Variants in MAP7 observed in about 807,000 individuals in gnomAD.
MAP7 encodes ensconsin.
MAP7 carries 52 observed loss-of-function variants against 94.8 expected under a neutral mutation model. That is an observed-to-expected ratio of 0.55 (90% confidence interval 0.44 to 0.69). The LOEUF (loss-of-function observed/expected upper bound fraction) is 0.69, where lower values mean the gene tolerates loss of function less well. Among genes scored for constraint, MAP7 ranks in the 30% least tolerant of loss-of-function variants. The probability of loss-of-function intolerance (pLI) is 0.00; values close to 1 mark genes in which losing one functional copy is unlikely to be tolerated. For missense variants in MAP7, 940 were observed against 964.6 expected (o/e 0.97, Z 0.34); for synonymous variants, 350 against 357.0 (o/e 0.98, Z 0.22).
chr6:136,492,511 C>T (rs1179420144), intron 1 of MAP7, among the ~76,000 whole-genome samples: 1 of 152,092 alleles, frequency 6.6e-6, no homozygotes, highest in East Asian at 1.9e-4. Flanking sequence ...AATCTTAGCT[C>T]TAATGTTTTC....
intron 1 of MAP7, among the ~76,000 whole-genome samples, chr6:136,457,778 G>T (rs1428438450): frequency 1.3e-5 from 2 of 151,904 alleles, no homozygotes; most frequent in Non-Finnish European, 2.9e-5. Context: ...AGCTCTCAAT[G>T]AACTAGGAAT....
chr6:136,427,161 T>C (rs1211207381), intron 1 of MAP7, among the ~76,000 whole-genome samples: 1 of 152,186 alleles, frequency 6.6e-6, no homozygotes, highest in Non-Finnish European at 1.5e-5. Context: ...AGAGTCAGTG[T>C]GGTCACCCTA....
intron 1 of MAP7, among the ~76,000 whole-genome samples, chr6:136,461,448 G>A (rs1434166926): frequency 1.3e-5 from 2 of 152,100 alleles, no homozygotes; most frequent in African/African-American, 4.8e-5. Flanking sequence ...TTTTATAACT[G>A]TTATGCTAAA....
chr6:136,393,160 G>T (rs1781256753), intron 3 of MAP7, among the ~76,000 whole-genome samples: 1 of 151,890 alleles, frequency 6.6e-6, no homozygotes, highest in Non-Finnish European at 1.5e-5. Flanking sequence ...TCCTTATTTG[G>T]CCTTCCTCCC....
chr6:136,410,151 T>C (rs931451218), intron 3 of MAP7, among the ~76,000 whole-genome samples: 3 of 152,142 alleles, frequency 2.0e-5, no homozygotes, highest in Admixed American at 1.3e-4. Flanking sequence ...TAATTCACAA[T>C]GTGATTTAAA....
intron 2 of MAP7, among the ~76,000 whole-genome samples, chr6:136,414,146 G>A (rs1388713688): frequency 6.7e-6 from 1 of 149,868 alleles, no homozygotes; most frequent in Non-Finnish European, 1.5e-5. Flanking sequence ...CCAGCTACTC[G>A]GGAGGCTGAG....
At chr6:136,402,218 T>G (rs777276262) in intron 3 of MAP7, among the ~76,000 whole-genome samples, 8 of 152,174 alleles carry the variant, frequency 5.3e-5, no homozygotes, top group Non-Finnish European at 1.2e-4. Flanking sequence ...GCACTTACAC[T>G]CCAGACGGTA....
At chr6:136,545,701 T>C (rs1829677864) in intron 1 of MAP7, among the ~76,000 whole-genome samples, 1 of 152,240 alleles carries the variant, frequency 6.6e-6, no homozygotes, top group Non-Finnish European at 1.5e-5. Context: ...CATCTAATTT[T>C]ATATCCCACT....
At chr6:136,458,657 C>T (rs1245613970) in intron 1 of MAP7, among the ~76,000 whole-genome samples, 1 of 151,936 alleles carries the variant, frequency 6.6e-6, no homozygotes, top group African/African-American at 2.4e-5. Context: ...GCCAAAAATA[C>T]ACAATGGGGA....
chr6:136,434,306 CAAA>C (rs59002856), intron 1 of MAP7, among the ~76,000 whole-genome samples: 17 of 59,704 alleles, frequency 2.8e-4, no homozygotes, highest in African/African-American at 6.2e-4. Context: ...GACTCCGTCT[CAAA>C]AAAAAAAAAA....
At chr6:136,364,257 C>T (rs553990105) in intron 10 of MAP7, 185 of 542,002 alleles carry the variant, frequency 3.4e-4, no homozygotes, top group African/African-American at 3.4e-3. Context: ...AAATGTTGAA[C>T]CTTTTTGGAC....
chr6:136,473,411 C>A (rs1809707945), intron 1 of MAP7, among the ~76,000 whole-genome samples: 1 of 152,156 alleles, frequency 6.6e-6, no homozygotes, highest in Non-Finnish European at 1.5e-5. Context: ...AAAGTTCAGA[C>A]ATAACTGCTA....
intron 1 of MAP7, among the ~76,000 whole-genome samples, chr6:136,442,829 C>T (rs1253915245): frequency 2.6e-5 from 4 of 152,160 alleles, no homozygotes; most frequent in Non-Finnish European, 2.9e-5. Flanking sequence ...ACATATGCTC[C>T]TAAGGGTATC....
chr6:136,504,534 A>G (rs915338242), intron 1 of MAP7, among the ~76,000 whole-genome samples: 1 of 152,094 alleles, frequency 6.6e-6, no homozygotes, highest in Non-Finnish European at 1.5e-5. Context: ...TAGTAGAGAC[A>G]GGGGTTCACC....
At chr6:136,478,619 T>C (rs1401316531) in intron 1 of MAP7, among the ~76,000 whole-genome samples, 1 of 151,688 alleles carries the variant, frequency 6.6e-6, no homozygotes, top group Non-Finnish European at 1.5e-5. Flanking sequence ...AAAGGAGGCA[T>C]TACAACCAAT....
At chr6:136,432,126 A>G (rs1310569248) in intron 1 of MAP7, among the ~76,000 whole-genome samples, 2 of 152,116 alleles carry the variant, frequency 1.3e-5, no homozygotes, top group African/African-American at 2.4e-5. Flanking sequence ...CTTCACTTCT[A>G]TGTTCCCGAT....
chr6:136,401,133 G>A (rs1783944952), intron 3 of MAP7, among the ~76,000 whole-genome samples: 1 of 152,186 alleles, frequency 6.6e-6, no homozygotes, highest in African/African-American at 2.4e-5. Flanking sequence ...AAGACTGCTT[G>A]AGCTCAGGAG....
At position 136,392,081 on chromosome 6, in the gene MAP7, C is replaced by T. The variant is rs1252900052; in HGVS notation, c.245-2564G>A. ...GTACCAAAGTACACTTACTGCTCTGCATCTTGCTCTTTTTGAGGCAGGGTC... is the reference window on the plus strand; with the variant it reads ...GTACCAAAGTACACTTACTGCTCTGTATCTTGCTCTTTTTGAGGCAGGGTC... On this transcript the variant is annotated intron_variant, in intron 3 of 17. Transcript: ENST00000354570. 2.0e-5 allele frequency among the ~76,000 whole-genome samples: 3 copies of T among 152,110 alleles called. 1 individual carries two copies. In the East Asian group the frequency reaches 5.8e-4, roughly 29 times the overall value.
At chr6:136,347,749 G>A (rs532768335) in intron 16 of MAP7, among the ~76,000 whole-genome samples, 1 of 152,158 alleles carries the variant, frequency 6.6e-6, no homozygotes, top group African/African-American at 2.4e-5. Flanking sequence ...ATTGACTTTG[G>A]AACACATACT....
Sources: allele counts gnomAD v4.1 joint callset (sites outside exome capture counted in the v4.1 genomes callset), GRCh38; gene constraint gnomAD v4.1.1; transcripts MANE v1.5; gene names NCBI Gene and HGNC (gene_info 2026-07-23, HGNC 2026-07-21).